The following ACOXL variants were observed in gnomAD, a reference collection of about 807,000 sequenced individuals.
ACOXL encodes acyl-CoA oxidase like.
Under a neutral mutation model 71.9 loss-of-function variants are expected in ACOXL, and 70 were observed. That is an observed-to-expected ratio of 0.97 (90% CI 0.80 to 1.19). ACOXL has a LOEUF of 1.19. Among genes scored for constraint, ACOXL ranks in the 50% most tolerant of loss-of-function variants. ACOXL has a pLI of 0.00. For missense variants in ACOXL, 703 were observed against 736.3 expected (o/e 0.95, Z 0.52); for synonymous variants, 253 against 281.6 (o/e 0.90, Z 1.02).
intron 12 of ACOXL, among the ~76,000 whole-genome samples, chr2:110,982,321 A>G (rs1201070164): frequency 6.6e-6 from 1 of 152,034 alleles, no homozygotes; most frequent in Non-Finnish European, 1.5e-5. Flanking sequence ...TCTGTGCTAA[A>G]GTAGTCCTTC....
chr2:110,906,553 A>T (rs2059451895), intron 10 of ACOXL, among the ~76,000 whole-genome samples: 1 of 150,830 alleles, frequency 6.6e-6, no homozygotes. Flanking sequence ...AAAAAAAAAA[A>T]AAATTGTATT....
intron 1 of ACOXL, among the ~76,000 whole-genome samples, chr2:110,759,900 C>A (rs766155900): frequency 5.9e-5 from 9 of 151,882 alleles, no homozygotes; most frequent in Middle Eastern, 3.2e-3. Context: ...GCTTTTTCAT[C>A]TAGGTTCTGT....
chr2:111,101,517 T>C (rs780758407), intron 17 of ACOXL, among the ~76,000 whole-genome samples: 15 of 152,160 alleles, frequency 9.9e-5, no homozygotes, highest in Non-Finnish European at 1.9e-4. Context: ...ATTCAGACGC[T>C]AGAATTGAAT....
chr2:110,972,633 GCA>G lies in ACOXL; in HGVS notation c.1060-14463_1060-14462del, dbSNP rs963311036. On this transcript the variant is annotated intron_variant, in intron 12 of 17. Coordinates refer to ENST00000439055, the MANE Select transcript of ACOXL (RefSeq NM_001142807.4). ...ATCTCTGTCTCTCTCACACGCACATGCACACACACACACGTGCACACACACAC... is the reference window on the plus strand; with the variant it reads ...ATCTCTGTCTCTCTCACACGCACATGCACACACACACGTGCACACACACAC... Among the ~76,000 whole-genome samples, 636 of 128,112 alleles carry G rather than the reference GCA, an allele frequency of 5.0e-3. 3 individuals carry two copies. The highest frequency in any genetic ancestry group is 0.018 in the African/African-American group (598 of 34,032). 84.0% of individuals were successfully genotyped at this position (128,112 alleles called of 152,430 possible).
chr2:111,105,373 C>T (rs1274839378), intron 17 of ACOXL, among the ~76,000 whole-genome samples: 1 of 151,946 alleles, frequency 6.6e-6, no homozygotes, highest in African/African-American at 2.4e-5. Context: ...ACAAATCTTT[C>T]TGGGATTTTG....
chr2:110,849,659 G>A (rs532627120), intron 10 of ACOXL, among the ~76,000 whole-genome samples: 3 of 152,318 alleles, frequency 2.0e-5, no homozygotes, highest in Admixed American at 2.0e-4. Flanking sequence ...TCAAGAGGCT[G>A]AGGCAGGAGA....
chr2:110,852,889 A>C (rs1692788346), intron 10 of ACOXL, among the ~76,000 whole-genome samples: 1 of 152,142 alleles, frequency 6.6e-6, no homozygotes, highest in Non-Finnish European at 1.5e-5. Flanking sequence ...CAAGTGCTCT[A>C]TTCTGTTGTA....
chr2:110,797,435 TC>T (rs1685415255), intron 5 of ACOXL, among the ~76,000 whole-genome samples: 1 of 152,200 alleles, frequency 6.6e-6, no homozygotes. Flanking sequence ...TATGCATTGA[TC>T]AGGGAAATAG....
intron 15 of ACOXL, among the ~76,000 whole-genome samples, chr2:111,042,209 CAGTCTT>C (rs1300577528): frequency 2.0e-5 from 3 of 152,264 alleles, no homozygotes; most frequent in Non-Finnish European, 2.9e-5. Flanking sequence ...TAGGGAAATA[CAGTCTT>C]AGTCTTAGTC....
chr2:110,866,636 G>A (rs1254835781), intron 10 of ACOXL, among the ~76,000 whole-genome samples: 1 of 152,094 alleles, frequency 6.6e-6, no homozygotes, highest in Non-Finnish European at 1.5e-5. Context: ...GCAGAGTCGT[G>A]GCTTTGCTTT....
chr2:110,968,504 C>G, intron 12 of ACOXL: 4 of 1,310,528 alleles, frequency 3.1e-6, no homozygotes, highest in Non-Finnish European at 4.3e-6. Flanking sequence ...AAACAGTTCT[C>G]TCAATACACA....
At chr2:111,014,546 C>T (rs927722932) in intron 14 of ACOXL, among the ~76,000 whole-genome samples, 1 of 152,176 alleles carries the variant, frequency 6.6e-6, no homozygotes, top group African/African-American at 2.4e-5. Flanking sequence ...AATGTTCATC[C>T]TCCTGAAATT....
In ACOXL at chr2:110,829,269, A is replaced by C. The variant is rs1456839014; in HGVS notation, c.754-12102A>C. On this transcript the variant is annotated intron_variant, in intron 9 of 17. Coordinates refer to ENST00000439055, the MANE Select transcript of ACOXL (RefSeq NM_001142807.4). ...ACAGTTCACACCCCATCCCCACCCC[A>C]GTTTGGAGTGCCAGTGCATGATAGT... is the stretch of plus-strand genomic sequence containing the variant. Among the ~76,000 whole-genome samples the C allele has an allele frequency of 2.0e-5, 3 of 152,042 alleles. No individual in the cohort carries two copies. The East Asian group carries it at 5.8e-4, about 29-fold the overall frequency.
chr2:110,995,521 ATT>A (rs2063354844), intron 13 of ACOXL, among the ~76,000 whole-genome samples: 1 of 150,490 alleles, frequency 6.6e-6, no homozygotes, highest in Non-Finnish European at 1.5e-5. Context: ...AAAAAAAAGA[ATT>A]GTATAATGAT....
At chr2:111,054,424 C>T (rs2066435519) in intron 16 of ACOXL, among the ~76,000 whole-genome samples, 1 of 152,130 alleles carries the variant, frequency 6.6e-6, no homozygotes, top group African/African-American at 2.4e-5. Flanking sequence ...TGCTGTCTAC[C>T]CAGTGGGACA....
intron 17 of ACOXL, chr2:111,093,383 A>G: frequency 6.8e-7 from 1 of 1,469,422 alleles, no homozygotes; most frequent in Non-Finnish European, 9.4e-7. Flanking sequence ...CCTGAAAAAG[A>G]AGGTGAGGCC....
Position 111,058,079 on chromosome 2 carries a change from A to T in ACOXL, c.1440+8791A>T, listed in dbSNP as rs534929171. 2.0e-5 allele frequency among the ~76,000 whole-genome samples: 3 copies of T among 152,364 alleles called. No individual in the cohort carries two copies. In the East Asian group the frequency reaches 5.8e-4, roughly 29 times the overall value. On this transcript the variant is annotated intron_variant, in intron 16 of 17. Transcript: ENST00000439055. ...ATTTCAGACTGCTTTAGAAGACAGGACAGCAGGAGAGGAAATCACTAGAGA... is the reference window on the plus strand; with the variant it reads ...ATTTCAGACTGCTTTAGAAGACAGGTCAGCAGGAGAGGAAATCACTAGAGA...
chr2:110,735,494 T>C (rs1243099612), intron 1 of ACOXL, among the ~76,000 whole-genome samples: 1 of 152,122 alleles, frequency 6.6e-6, no homozygotes, highest in Non-Finnish European at 1.5e-5. Context: ...CAGGAAACAG[T>C]TTTCCTCCAA....
intron 16 of ACOXL, among the ~76,000 whole-genome samples, chr2:111,059,030 A>G (rs762958016): frequency 2.6e-5 from 4 of 152,216 alleles, no homozygotes; most frequent in Non-Finnish European, 5.9e-5. Context: ...ACTTGAGGCC[A>G]GGAGTTCAAG....
Sources: allele counts gnomAD v4.1 joint callset (sites outside exome capture counted in the v4.1 genomes callset), GRCh38; gene constraint gnomAD v4.1.1; transcripts MANE v1.5; gene names NCBI Gene and HGNC (gene_info 2026-07-23, HGNC 2026-07-21).